The following PCDHA7 variants were observed in gnomAD, a reference collection of about 807,000 sequenced individuals.
PCDHA7 encodes protocadherin alpha 7, also known as protocadherin alpha-7.
Under a neutral mutation model 57.2 loss-of-function variants are expected in PCDHA7, and 37 were observed. That is an observed-to-expected ratio of 0.65 (90% CI 0.50 to 0.85). The LOEUF is 0.85. Among genes scored for constraint, PCDHA7 ranks in the 40% least tolerant of loss-of-function variants. The probability of loss-of-function intolerance (pLI) is 0.00; values close to 1 mark genes in which losing one functional copy is unlikely to be tolerated. For synonymous variants in PCDHA7, 553 were observed against 558.8 expected, an observed-to-expected ratio of 0.99 and a Z score of 0.15; for missense variants, 1,188 against 1,241.8, an observed-to-expected ratio of 0.96 and a Z score of 0.65.
chr5:140,893,753 A>G (rs1007226278), intron 1 of PCDHA7, among the ~76,000 whole-genome samples: 3 of 152,106 alleles, frequency 2.0e-5, no homozygotes, highest in South Asian at 2.1e-4. Context: ...GAATTTTCTT[A>G]TAGGTGACTT....
At chr5:140,877,845 TTATTAA>T in intron 1 of PCDHA7, 3 of 1,555,618 alleles carry the variant, frequency 1.9e-6, no homozygotes, top group Non-Finnish European at 2.6e-6. Context: ...GTGAAGTAAG[TTATTAA>T]TATTATTTAG....
intron 1 of PCDHA7, among the ~76,000 whole-genome samples, chr5:140,888,585 AC>A (rs1327529840): frequency 4.6e-5 from 7 of 152,358 alleles, no homozygotes; most frequent in African/African-American, 1.4e-4. Flanking sequence ...ATTTGTTAGT[AC>A]ACATTCAGAG....
intron 1 of PCDHA7, chr5:140,869,322 C>G (rs1169893950): frequency 6.2e-7 from 1 of 1,613,820 alleles, no homozygotes; most frequent in Admixed American, 1.7e-5. Flanking sequence ...CACATGGGGA[C>G]CTTCTGGAGG....
At chr5:140,848,407 A>G in intron 1 of PCDHA7, 1 of 1,347,562 alleles carries the variant, frequency 7.4e-7, no homozygotes, top group Non-Finnish European at 1.0e-6. Flanking sequence ...AACGATGGCG[A>G]ACACAGCAGA....
chr5:140,926,884 A>G, intron 1 of PCDHA7: 7 of 1,542,402 alleles, frequency 4.5e-6, no homozygotes, highest in Non-Finnish European at 6.1e-6. Flanking sequence ...GTGGACGCCT[A>G]GAGGGAGGAT....
At chr5:140,988,698 A>G (rs1563551697) in intron 3 of PCDHA7, among the ~76,000 whole-genome samples, 1 of 152,116 alleles carries the variant, frequency 6.6e-6, no homozygotes, top group East Asian at 1.9e-4. Context: ...GACGCTCTGT[A>G]TTTTCTTGGA....
intron 1 of PCDHA7, among the ~76,000 whole-genome samples, chr5:140,837,714 C>G (rs1488550571): frequency 1.3e-5 from 2 of 151,510 alleles, no homozygotes; most frequent in African/African-American, 2.4e-5. Flanking sequence ...CACTCCATCA[C>G]CCAGGCTGCT....
rs35695909 is a variant in PCDHA7, at chr5:140,914,944, C to CTT, written c.2356-63988_2356-63987dup. Among the ~76,000 whole-genome samples the CTT allele has an allele frequency of 2.2e-4, 28 of 128,250 alleles. 1 individual carries two copies. Among genetic ancestry groups the CTT allele is most frequent in the African/African-American group, 3.1e-4 (11 of 35,118 alleles). 84.1% of individuals were successfully genotyped at this position (128,250 alleles called of 152,430 possible). Reference sequence around the variant, plus strand: ...ATTGTACTATGTTGTGAAAAGTTGTCTTTTTTTTTTTTTTTTTTCTGAGTC... The same window carrying CTT: ...ATTGTACTATGTTGTGAAAAGTTGTCTTTTTTTTTTTTTTTTTTTTCTGAGTC... On this transcript the variant is annotated intron_variant, in intron 1 of 3. Transcript: ENST00000525929.
chr5:140,967,262 C>G (rs1554229356), intron 1 of PCDHA7: 1 of 1,613,522 alleles, frequency 6.2e-7, no homozygotes, highest in African/African-American at 1.3e-5. Flanking sequence ...GCCTGGAGCG[C>G]GCTTTCACAT....
intron 1 of PCDHA7, among the ~76,000 whole-genome samples, chr5:140,926,178 GC>G (rs1221259064): frequency 6.6e-6 from 1 of 151,700 alleles, no homozygotes; most frequent in South Asian, 2.2e-4. Flanking sequence ...AGCGCGGAAA[GC>G]CCCCCGCAGC....
At chr5:140,871,126 C>T in intron 1 of PCDHA7, 1 of 1,613,370 alleles carries the variant, frequency 6.2e-7, no homozygotes. Context: ...CGGACAGGCG[C>T]CAAAGGCCTC....
At position 140,870,626 on chromosome 5, in the gene PCDHA7, C is replaced by T. The variant is rs782773688; in HGVS notation, c.2355+33888C>T. 61 of 1,612,898 alleles carry T rather than the reference C, an allele frequency of 3.8e-5. No homozygotes were observed. Among genetic ancestry groups the T allele is most frequent in the Non-Finnish European group, 5.0e-5 (59 of 1,179,802 alleles). Reference sequence around the variant, plus strand: ...GACCGCGCGCTGTCGAGCTACGTGTCGGTGCACGCGGAGAGCGGCAAGGTG... The same window carrying T: ...GACCGCGCGCTGTCGAGCTACGTGTTGGTGCACGCGGAGAGCGGCAAGGTG... On this transcript the variant is annotated intron_variant, in intron 1 of 3. Transcript: ENST00000525929.
intron 1 of PCDHA7, among the ~76,000 whole-genome samples, chr5:140,912,509 T>A (rs1473163707): frequency 6.6e-6 from 1 of 152,170 alleles, no homozygotes; most frequent in Non-Finnish European, 1.5e-5. Flanking sequence ...TTTGGATGAA[T>A]CTTTAGGGTT....
rs2056928091 is a variant in PCDHA7 at position 140,877,191 on chromosome 5, A to C, written c.2355+40453A>C. 3 of 1,613,798 alleles carry C rather than the reference A, an allele frequency of 1.9e-6. No individual in the cohort carries two copies. The South Asian group carries it at 3.3e-5, about 18-fold the overall frequency. Reference sequence around the variant, plus strand: ...TGCTGGCGACTCCGGCTGGCAGCGCAGGAGGCGCAGTTAGCGAGTTGGTAC... The same window carrying C: ...TGCTGGCGACTCCGGCTGGCAGCGCCGGAGGCGCAGTTAGCGAGTTGGTAC... On this transcript the variant is annotated intron_variant, in intron 1 of 3. Transcript: ENST00000525929.
At chr5:140,921,695 A>G (rs1190217757) in intron 1 of PCDHA7, among the ~76,000 whole-genome samples, 1 of 152,216 alleles carries the variant, frequency 6.6e-6, no homozygotes, top group Admixed American at 6.5e-5. Context: ...GGCCACCTCA[A>G]TTTTAAACAG....
intron 1 of PCDHA7, among the ~76,000 whole-genome samples, chr5:140,881,902 A>T (rs2058862295): frequency 6.6e-6 from 1 of 152,262 alleles, no homozygotes; most frequent in African/African-American, 2.4e-5. Flanking sequence ...GTCAGCTAAT[A>T]TAAAATGTTG....
At chr5:140,951,431 G>A (rs1003684083) in intron 1 of PCDHA7, among the ~76,000 whole-genome samples, 1 of 152,044 alleles carries the variant, frequency 6.6e-6, no homozygotes, top group Non-Finnish European at 1.5e-5. Context: ...TCCACAGGCT[G>A]TAGGAAGCAT....
At chr5:140,968,027 C>G in intron 1 of PCDHA7, 2 of 1,614,200 alleles carry the variant, frequency 1.2e-6, no homozygotes, top group Middle Eastern at 1.6e-4. Flanking sequence ...CTCCTATACA[C>G]TGGTGGTGAG....
chr5:140,884,947 C>CA (rs2060414559), intron 1 of PCDHA7, among the ~76,000 whole-genome samples: 1 of 152,090 alleles, frequency 6.6e-6, no homozygotes, highest in Non-Finnish European at 1.5e-5. Context: ...TGAGCATTTA[C>CA]AAAAAATTCC....
Sources: gnomAD v4.1 joint callset for allele counts (sites outside exome capture counted in the v4.1 genomes callset) on GRCh38, gnomAD v4.1.1 for gene constraint, MANE v1.5 for transcripts, NCBI Gene and HGNC (gene_info 2026-07-23, HGNC 2026-07-21) for gene names.